The following ADGRL3 variants were observed in gnomAD, a reference collection of about 807,000 sequenced individuals.
ADGRL3 encodes adhesion G protein-coupled receptor L3, also known as calcium-independent alpha-latrotoxin receptor 3.
Under a neutral mutation model 153.5 loss-of-function variants are expected in ADGRL3, and 62 were observed. The ratio of observed to expected loss-of-function variants is 0.40; its 90% CI spans 0.33 to 0.50. ADGRL3 has a LOEUF of 0.50. Ranked by LOEUF, ADGRL3 falls within the 20% of genes least tolerant of loss-of-function variation. The pLI, the probability that ADGRL3 is intolerant of heterozygous loss-of-function variation, is 0.47. For missense variants in ADGRL3, 1,641 were observed against 1,859.4 expected, an observed-to-expected ratio of 0.88 and a Z score of 2.16; for synonymous variants, 710 against 672.5, an observed-to-expected ratio of 1.06 and a Z score of -0.86.
At chr4:61,270,504 G>T (rs2093107159) in intron 1 of ADGRL3, among the ~76,000 whole-genome samples, 1 of 151,674 alleles carries the variant, frequency 6.6e-6, no homozygotes, top group Admixed American at 6.6e-5. Context: ...ATTTCCTGAA[G>T]CATATCTGTC....
intron 6 of ADGRL3, among the ~76,000 whole-genome samples, chr4:61,714,169 A>C (rs562300411): frequency 2.8e-5 from 4 of 144,164 alleles, no homozygotes; most frequent in South Asian, 4.2e-4. Flanking sequence ...AACAAACAAA[A>C]AAAAAGTTCT....
At chr4:61,880,195 A>G (rs1166019127) in intron 9 of ADGRL3, among the ~76,000 whole-genome samples, 2 of 152,176 alleles carry the variant, frequency 1.3e-5, no homozygotes, top group African/African-American at 4.8e-5. Flanking sequence ...CCAAATCCAT[A>G]TTTAAAAATA....
At chr4:61,564,180 T>C (rs1033491238) in intron 4 of ADGRL3, among the ~76,000 whole-genome samples, 7 of 152,146 alleles carry the variant, frequency 4.6e-5, no homozygotes, top group Non-Finnish European at 1.5e-5. Flanking sequence ...TTTGACTTTT[T>C]TTTTTATCCA....
At chr4:62,049,953 T>G (rs1733235986) in intron 25 of ADGRL3, among the ~76,000 whole-genome samples, 1 of 152,108 alleles carries the variant, frequency 6.6e-6, no homozygotes, top group African/African-American at 2.4e-5. Context: ...TAATTATTAT[T>G]ATTGTTTTAT....
At chr4:62,060,756 C>CT (rs529304404) in intron 25 of ADGRL3, among the ~76,000 whole-genome samples, 1 of 151,376 alleles carries the variant, frequency 6.6e-6, no homozygotes, top group Non-Finnish European at 1.5e-5. Flanking sequence ...ATGATGAACT[C>CT]TTTTTTTTCT....
chr4:61,829,731 A>G (rs1166460870), intron 9 of ADGRL3, among the ~76,000 whole-genome samples: 1 of 152,182 alleles, frequency 6.6e-6, no homozygotes, highest in Admixed American at 6.5e-5. Context: ...TGGACAATAT[A>G]AACAGGGTAT....
chr4:61,948,626 G>T lies in ADGRL3; in HGVS notation c.2805+350G>T, dbSNP rs1327258297. ...GTTGGTTTAGAAAGCTGGGACTGGG[G>T]AGGCGGAAGAATAAAGAGCTATGCA... On this transcript the variant is annotated intron_variant, in intron 17 of 26. Coordinates refer to ENST00000683033, the MANE Select transcript of ADGRL3 (RefSeq NM_001387552.1). Among the ~76,000 whole-genome samples, 3 of 152,142 alleles carry T rather than the reference G, an allele frequency of 2.0e-5. No homozygotes were observed. The East Asian group carries it at 5.8e-4, about 29-fold the overall frequency.
chr4:61,495,457 A>C (rs1466517372), intron 2 of ADGRL3, among the ~76,000 whole-genome samples: 1 of 150,064 alleles, frequency 6.7e-6, no homozygotes, highest in East Asian at 2.0e-4. Flanking sequence ...GAAAAAAGGA[A>C]GGAAGGGAGG....
chr4:61,865,340 G>T (rs181056029), intron 9 of ADGRL3, among the ~76,000 whole-genome samples: 18 of 152,208 alleles, frequency 1.2e-4, no homozygotes, highest in Admixed American at 1.1e-3. Context: ...TTTGAAGCTT[G>T]TGGGGGTGTC....
At chr4:61,871,050 G>A (rs189924348) in intron 9 of ADGRL3, among the ~76,000 whole-genome samples, 6 of 152,088 alleles carry the variant, frequency 3.9e-5, no homozygotes, top group Middle Eastern at 3.2e-3. Context: ...AGGCCAAGGC[G>A]GGCGAATCAC....
At chr4:61,394,978 A>C (rs2096853325) in intron 2 of ADGRL3, among the ~76,000 whole-genome samples, 1 of 152,082 alleles carries the variant, frequency 6.6e-6, no homozygotes, top group African/African-American at 2.4e-5. Flanking sequence ...ATAATGAAGA[A>C]ACTAAATTTT....
At position 62,031,597 on chromosome 4, in the gene ADGRL3, T is replaced by C. The variant is rs1722056236; in HGVS notation, c.3578T>C (p.Val1193Ala). 1 of 1,605,852 alleles carries C rather than the reference T, an allele frequency of 6.2e-7. No individual in the cohort carries two copies. Among genetic ancestry groups the C allele is most frequent in the Non-Finnish European group, 8.5e-7 (1 of 1,174,842 alleles). Residue 1193 changes from valine (V) to alanine (A), a missense_variant, in exon 23 of 27, where the codon GTC (valine) becomes GCC (alanine). Val to Ala is a moderately conservative substitution (Grantham distance 64). Coordinates refer to ENST00000683033, the MANE Select transcript of ADGRL3 (RefSeq NM_001387552.1). Reference protein sequence around the residue: ...QGMFIFIFHCVLQKKVRKEYG... With the variant: ...QGMFIFIFHCALQKKVRKEYG... ...ATGTTTATATTTATTTTCCATTGTG[T>C]CCTACAGAAGAAGGTAAGCTAGAAT... is the stretch of plus-strand genomic sequence containing the variant.
chr4:61,563,113 T>C (rs1482124365), intron 4 of ADGRL3, among the ~76,000 whole-genome samples: 1 of 152,132 alleles, frequency 6.6e-6, no homozygotes, highest in African/African-American at 2.4e-5. Flanking sequence ...TTTAAAATAA[T>C]AACACTTGAA....
intron 1 of ADGRL3, among the ~76,000 whole-genome samples, chr4:61,345,155 A>G (rs2095875854): frequency 6.6e-6 from 1 of 152,032 alleles, no homozygotes; most frequent in Admixed American, 6.6e-5. Flanking sequence ...ATAGTATGTT[A>G]GTATATTAAA....
At chr4:61,573,931 A>T (rs1431075233) in intron 4 of ADGRL3, among the ~76,000 whole-genome samples, 2 of 152,060 alleles carry the variant, frequency 1.3e-5, no homozygotes, top group Non-Finnish European at 2.9e-5. Flanking sequence ...CTCAAGTGGC[A>T]GAATAGCAAT....
At chr4:61,664,828 T>C (rs963794323) in intron 5 of ADGRL3, among the ~76,000 whole-genome samples, 2 of 152,156 alleles carry the variant, frequency 1.3e-5, no homozygotes, top group Non-Finnish European at 2.9e-5. Context: ...CTTGAGAGAA[T>C]GTTGTGTAAT....
intron 1 of ADGRL3, among the ~76,000 whole-genome samples, chr4:61,301,947 G>T (rs1402814400): frequency 1.3e-5 from 2 of 152,108 alleles, no homozygotes; most frequent in African/African-American, 2.4e-5. Context: ...ATCAGGGTTG[G>T]CAAAGGCAAG....
intron 1 of ADGRL3, among the ~76,000 whole-genome samples, chr4:61,300,475 G>C (rs779360894): frequency 1.3e-5 from 2 of 152,294 alleles, no homozygotes; most frequent in Non-Finnish European, 2.9e-5. Flanking sequence ...CCTTGGATAA[G>C]GGGTAGCACT....
chr4:61,719,981 G>T (rs1418963828), intron 6 of ADGRL3, among the ~76,000 whole-genome samples: 1 of 151,968 alleles, frequency 6.6e-6, no homozygotes, highest in Non-Finnish European at 1.5e-5. Context: ...TGTAAGTCTG[G>T]AATGTGATAC....
Sources: allele counts gnomAD v4.1 joint callset (sites outside exome capture counted in the v4.1 genomes callset), GRCh38; gene constraint gnomAD v4.1.1; transcripts MANE v1.5; gene names NCBI Gene and HGNC (gene_info 2026-07-23, HGNC 2026-07-21).